MRPS9: variants seen among roughly 807,000 people sequenced by gnomAD.
MRPS9 encodes mitochondrial ribosomal protein S9, also known as small ribosomal subunit protein uS9m.
Under a neutral mutation model 59.9 loss-of-function variants are expected in MRPS9, and 45 were observed. The observed-to-expected ratio is 0.75, with a 90% CI of 0.59 to 0.96. The LOEUF is 0.96. Among genes scored for constraint, MRPS9 ranks in the 40% least tolerant of loss-of-function variants. The pLI, the probability that MRPS9 is intolerant of heterozygous loss-of-function variation, is 0.00. For missense variants in MRPS9, 473 were observed against 481.1 expected, an observed-to-expected ratio of 0.98 and a Z score of 0.16; for synonymous variants, 171 against 166.8, an observed-to-expected ratio of 1.03 and a Z score of -0.19.
At chr2:105,057,287 A>G (rs1014625481) in intron 2 of MRPS9, among the ~76,000 whole-genome samples, 1 of 152,232 alleles carries the variant, frequency 6.6e-6, no homozygotes, top group African/African-American at 2.4e-5. Flanking sequence ...CTTTAAATGC[A>G]GGCTAAATAT....
chr2:105,096,011 G>A (rs972394730), intron 9 of MRPS9, among the ~76,000 whole-genome samples: 3 of 152,048 alleles, frequency 2.0e-5, no homozygotes, highest in African/African-American at 7.2e-5. Context: ...TTATAATACT[G>A]TTTTTATAAC....
At chr2:105,062,088 G>A (rs1163038577) in intron 2 of MRPS9, among the ~76,000 whole-genome samples, 1 of 151,970 alleles carries the variant, frequency 6.6e-6, no homozygotes, top group African/African-American at 2.4e-5. Context: ...GAAAGTGAAG[G>A]CTTTTGTAAT....
chr2:105,088,444 TA>T (rs1680491598), intron 5 of MRPS9, among the ~76,000 whole-genome samples: 1 of 152,228 alleles, frequency 6.6e-6, no homozygotes, highest in South Asian at 2.1e-4. Flanking sequence ...AGTAAATTAA[TA>T]GGAGGAAATC....
At chr2:105,074,742 C>A (rs140945696) in intron 4 of MRPS9, among the ~76,000 whole-genome samples, 2 of 152,294 alleles carry the variant, frequency 1.3e-5, no homozygotes, top group East Asian at 3.9e-4. Context: ...CCAGACTCAA[C>A]TGACTCTCAG....
chr2:105,059,314 G>A (rs1356618127), intron 2 of MRPS9, among the ~76,000 whole-genome samples: 2 of 152,040 alleles, frequency 1.3e-5, no homozygotes, highest in Admixed American at 6.5e-5. Context: ...TTAGGACATC[G>A]GCAACCTTAA....
chr2:105,092,865 TAA>T (rs1156835831), intron 8 of MRPS9, among the ~76,000 whole-genome samples: 1 of 152,184 alleles, frequency 6.6e-6, no homozygotes, highest in Admixed American at 6.5e-5. Context: ...CTAGAATCGG[TAA>T]AATATTTATA....
At chr2:105,087,372 CTG>C (rs1309272793) in intron 5 of MRPS9, among the ~76,000 whole-genome samples, 1 of 152,152 alleles carries the variant, frequency 6.6e-6, no homozygotes, top group Non-Finnish European at 1.5e-5. Context: ...ACTAGATTCT[CTG>C]TAGTTCTTAG....
chr2:105,097,577 C>T (rs1680693868), intron 10 of MRPS9, among the ~76,000 whole-genome samples: 1 of 152,158 alleles, frequency 6.6e-6, no homozygotes, highest in Non-Finnish European at 1.5e-5. Flanking sequence ...TGTTCAGTTC[C>T]AAGGTCAGGG....
At chr2:105,099,078 A>G (rs1018171014) in intron 10 of MRPS9, among the ~76,000 whole-genome samples, 9 of 152,196 alleles carry the variant, frequency 5.9e-5, no homozygotes, top group South Asian at 2.1e-4. Context: ...ATACAACTCT[A>G]AAACTTATTT....
chr2:105,051,728 T>C (rs2104442760), intron 2 of MRPS9, among the ~76,000 whole-genome samples: 1 of 152,280 alleles, frequency 6.6e-6, no homozygotes. Context: ...TGATGTTTTG[T>C]AGTTTTCAGA....
At chr2:105,060,493 C>T (rs1679880579) in intron 2 of MRPS9, among the ~76,000 whole-genome samples, 3 of 152,048 alleles carry the variant, frequency 2.0e-5, no homozygotes, top group Non-Finnish European at 4.4e-5. Flanking sequence ...GTTGGTGAGG[C>T]TGGTCTTGAA....
Position 105,092,466 on chromosome 2 carries a change from A to C in MRPS9, c.717A>C (p.Glu239Asp). ...CGCAGTGTGGTGCTGCTGAGGAAGAATTTGTGCAGAGGTTTCGAAGAAGTG... is the reference window on the plus strand; with the variant it reads ...CGCAGTGTGGTGCTGCTGAGGAAGACTTTGTGCAGAGGTTTCGAAGAAGTG... ...LTSQCGAAEE[E>D]FVQRFRRSVT... The change falls in exon 8 of 11, where the codon GAA becomes GAC. Residue 239 changes from glutamate to aspartate, a missense_variant. By Grantham distance (45) the Glu-to-Asp change is conservative (BLOSUM62 2). Transcript: ENST00000258455. 1.2e-6 allele frequency: 2 copies of C among 1,613,992 alleles called. No homozygotes were observed. Among genetic ancestry groups the C allele is most frequent in the Non-Finnish European group, 1.7e-6 (2 of 1,179,954 alleles).
chr2:105,092,983 T>C (rs1680591026), intron 8 of MRPS9, among the ~76,000 whole-genome samples: 1 of 152,230 alleles, frequency 6.6e-6, no homozygotes, highest in Non-Finnish European at 1.5e-5. Context: ...ATTTTTCTTG[T>C]TCAGAGCCAT....
At chr2:105,088,194 GGTT>G (rs1296339647) in intron 5 of MRPS9, among the ~76,000 whole-genome samples, 3 of 151,960 alleles carry the variant, frequency 2.0e-5, no homozygotes, top group Non-Finnish European at 4.4e-5. Flanking sequence ...TAGTATGGTA[GGTT>G]ATGTGTAAAT....
chr2:105,084,333 T>C (rs1680407748), intron 5 of MRPS9, among the ~76,000 whole-genome samples: 1 of 151,494 alleles, frequency 6.6e-6, no homozygotes, highest in Non-Finnish European at 1.5e-5. Flanking sequence ...TTCTAATCCT[T>C]GTAACGTATG....
intron 5 of MRPS9, among the ~76,000 whole-genome samples, chr2:105,081,173 G>C (rs1032190184): frequency 6.6e-6 from 1 of 152,192 alleles, no homozygotes; most frequent in Non-Finnish European, 1.5e-5. Context: ...GTTCCATATG[G>C]ACTTGAGCCC....
intron 4 of MRPS9, among the ~76,000 whole-genome samples, chr2:105,072,312 A>G (rs1407693947): frequency 6.8e-6 from 1 of 147,728 alleles, no homozygotes; most frequent in Non-Finnish European, 1.5e-5. Flanking sequence ...ATTTTCTTGC[A>G]GTGGAGCAGT....
chr2:105,042,512 T>C (rs1221616077), intron 1 of MRPS9, among the ~76,000 whole-genome samples: 1 of 152,220 alleles, frequency 6.6e-6, no homozygotes, highest in Admixed American at 6.5e-5. Context: ...CCACATATAC[T>C]TATTTTCTTG....
intron 1 of MRPS9, among the ~76,000 whole-genome samples, chr2:105,048,540 G>A (rs969884332): frequency 6.6e-6 from 1 of 151,818 alleles, no homozygotes; most frequent in Non-Finnish European, 1.5e-5. Context: ...AGATATGCGA[G>A]CCCTTATTTC....
Sources: gnomAD v4.1 joint callset for allele counts (sites outside exome capture counted in the v4.1 genomes callset) on GRCh38, gnomAD v4.1.1 for gene constraint, MANE v1.5 for transcripts, NCBI Gene and HGNC (gene_info 2026-07-23, HGNC 2026-07-21) for gene names.